Variants in DDAH1 observed in about 807,000 individuals in gnomAD.
The protein encoded by DDAH1 is dimethylarginine dimethylaminohydrolase 1, also known as N(G),N(G)-dimethylarginine dimethylaminohydrolase 1.
A neutral mutation model predicts 28.8 loss-of-function variants in DDAH1; 19 were observed. The ratio of observed to expected loss-of-function variants is 0.66; its 90% CI spans 0.46 to 0.97. The LOEUF is 0.97. Ranked by LOEUF, DDAH1 falls within the 50% of genes least tolerant of loss-of-function variation. DDAH1 has a pLI of 0.00. For missense variants in DDAH1, 326 were observed against 375.9 expected (o/e 0.87, Z 1.10); for synonymous variants, 153 against 154.4 (o/e 0.99, Z 0.07).
At chr1:85,452,988 T>C (rs1654731871) in intron 1 of DDAH1, among the ~76,000 whole-genome samples, 1 of 151,916 alleles carries the variant, frequency 6.6e-6, no homozygotes, top group South Asian at 2.1e-4. Flanking sequence ...AACCTGTGTA[T>C]GTGTGTGTGT....
intron 1 of DDAH1, among the ~76,000 whole-genome samples, chr1:85,438,759 TC>T (rs1654055946): frequency 6.6e-6 from 1 of 152,226 alleles, no homozygotes; most frequent in Non-Finnish European, 1.5e-5. Flanking sequence ...ATCAAGATGA[TC>T]CTGGAGGAAG....
chr1:85,386,235 G>T (rs867976942), intron 1 of DDAH1, among the ~76,000 whole-genome samples: 1 of 152,098 alleles, frequency 6.6e-6, no homozygotes, highest in Non-Finnish European at 1.5e-5. Flanking sequence ...CAACTCAGAA[G>T]TCCAAAGTCC....
chr1:85,506,125 A>T (rs921981864), intron 1 of DDAH1, among the ~76,000 whole-genome samples: 12 of 152,230 alleles, frequency 7.9e-5, no homozygotes, highest in Admixed American at 7.9e-4. Flanking sequence ...GGTTGTAAAA[A>T]TGAATGGCTG....
intron 1 of DDAH1, among the ~76,000 whole-genome samples, chr1:85,547,423 T>C (rs1473594458): frequency 6.6e-6 from 1 of 152,180 alleles, no homozygotes; most frequent in Non-Finnish European, 1.5e-5. Context: ...AGTCTGGAAA[T>C]GTAAATTAGA....
chr1:85,392,839 G>A (rs1330995337), intron 1 of DDAH1, among the ~76,000 whole-genome samples: 1 of 149,864 alleles, frequency 6.7e-6, no homozygotes, highest in Non-Finnish European at 1.5e-5. Flanking sequence ...AACCCCTGAT[G>A]ACTCTCAGGC....
At chr1:85,387,162 T>C (rs1469536745) in intron 1 of DDAH1, among the ~76,000 whole-genome samples, 5 of 152,198 alleles carry the variant, frequency 3.3e-5, no homozygotes, top group African/African-American at 1.2e-4. Context: ...CTTTTATCCA[T>C]GTTAATCTCT....
intron 1 of DDAH1, among the ~76,000 whole-genome samples, chr1:85,557,911 G>A (rs76500001): frequency 1.1e-4 from 16 of 152,266 alleles, no homozygotes; most frequent in Non-Finnish European, 2.1e-4. Flanking sequence ...CTTGATCTCA[G>A]ACTTCTAGCC....
At chr1:85,346,369 C>T (rs768741130) in intron 4 of DDAH1, among the ~76,000 whole-genome samples, 1 of 152,132 alleles carries the variant, frequency 6.6e-6, no homozygotes, top group Non-Finnish European at 1.5e-5. Context: ...CCTGAGACTG[C>T]TCAGATCCTG....
Position 85,321,381 on chromosome 1 carries a change from A to G in DDAH1, c.*71T>C. ...GGCACAGTAGATTGTCAAGGAAAAC[A>G]ACAGGAGTGGGCACAGAGTCATCGG... On this transcript the variant is annotated 3_prime_UTR_variant, in exon 6 of 6. Transcript: ENST00000284031. 1 of 956,206 alleles carries G rather than the reference A, an allele frequency of 1.0e-6. No individual in the cohort carries two copies. The highest frequency in any genetic ancestry group is 1.7e-6 in the Non-Finnish European group (1 of 591,120). 59.2% of individuals were successfully genotyped at this position (956,206 alleles called of 1,614,324 possible). A position where few individuals can be genotyped will look rare whatever the true frequency, so the allele number is the denominator to read the frequency against.
intron 1 of DDAH1, among the ~76,000 whole-genome samples, chr1:85,439,788 C>T (rs1654109307): frequency 6.6e-6 from 1 of 152,170 alleles, no homozygotes; most frequent in Non-Finnish European, 1.5e-5. Flanking sequence ...GTAAGAATAA[C>T]AAGACAATTT....
chr1:85,351,082 A>G (rs1039921598), intron 3 of DDAH1, among the ~76,000 whole-genome samples: 5 of 150,908 alleles, frequency 3.3e-5, no homozygotes, highest in Non-Finnish European at 5.9e-5. Flanking sequence ...TTTTTTTAGA[A>G]ACAGGGTCTC....
intron 1 of DDAH1, among the ~76,000 whole-genome samples, chr1:85,539,269 C>A (rs1412212502): frequency 6.6e-6 from 1 of 152,104 alleles, no homozygotes; most frequent in African/African-American, 2.4e-5. Flanking sequence ...GCCTCAGCCT[C>A]CCATGTAGCT....
intron 1 of DDAH1, among the ~76,000 whole-genome samples, chr1:85,527,137 T>C (rs1222012805): frequency 6.6e-6 from 1 of 152,220 alleles, no homozygotes; most frequent in Non-Finnish European, 1.5e-5. Flanking sequence ...ATACAACCTA[T>C]GTGTAGCTTC....
Position 85,320,814 on chromosome 1 carries a change from C to T in DDAH1, c.*638G>A, listed in dbSNP as rs1312951206. The T allele has an allele frequency of 6.6e-6, 1 of 152,264 alleles. No homozygotes were observed. The highest frequency in any genetic ancestry group is 1.5e-5 in the Non-Finnish European group (1 of 68,246). 9.4% of individuals were successfully genotyped at this position (152,264 alleles called of 1,614,324 possible). A position where few individuals can be genotyped will look rare whatever the true frequency, so the allele number is the denominator to read the frequency against. On this transcript the variant is annotated 3_prime_UTR_variant, in exon 6 of 6. Transcript: ENST00000284031. ...CAGTTCTGCTGAGAAGCCTGTCTGC[C>T]CCTGGCAGGGGTGAGGGGAGGGTTG...
intron 1 of DDAH1, chr1:85,398,472 G>C (rs530058908): frequency 6.6e-6 from 1 of 152,254 alleles, no homozygotes; most frequent in South Asian, 2.1e-4. Flanking sequence ...ACTGGATCCT[G>C]AATTCTTTTA....
chr1:85,487,342 G>A (rs1656239127), intron 2 of DDAH1, among the ~76,000 whole-genome samples: 1 of 152,232 alleles, frequency 6.6e-6, no homozygotes, highest in Admixed American at 6.5e-5. Flanking sequence ...GAAAAGGGCA[G>A]TAACAATAAG....
intron 4 of DDAH1, among the ~76,000 whole-genome samples, chr1:85,332,103 G>A (rs997856171): frequency 5.9e-5 from 9 of 152,216 alleles, no homozygotes; most frequent in Admixed American, 5.9e-4. Context: ...TTGCTCCAGA[G>A]ATGGAGCCCA....
At chr1:85,503,842 G>T (rs1656913299) in intron 1 of DDAH1, among the ~76,000 whole-genome samples, 1 of 152,140 alleles carries the variant, frequency 6.6e-6, no homozygotes, top group Non-Finnish European at 1.5e-5. Context: ...TGGGCTAAGT[G>T]GCAGGTGATG....
chr1:85,474,452 C>T (rs1655725351), intron 2 of DDAH1, among the ~76,000 whole-genome samples: 1 of 152,148 alleles, frequency 6.6e-6, no homozygotes, highest in Non-Finnish European at 1.5e-5. Flanking sequence ...TTCTCTCTTA[C>T]TTGGGCTTCT....
Sources: allele counts gnomAD v4.1 joint callset (sites outside exome capture counted in the v4.1 genomes callset), GRCh38; gene constraint gnomAD v4.1.1; transcripts MANE v1.5; gene names NCBI Gene and HGNC (gene_info 2026-07-23, HGNC 2026-07-21).